ZFR2: variants seen among roughly 807,000 people sequenced by gnomAD.
ZFR2 encodes zinc finger RNA binding protein 2, also known as zinc finger RNA-binding protein 2.
In ZFR2, 104 loss-of-function variants were observed where a neutral mutation model predicts 105.7. The observed-to-expected ratio is 0.98, with a 90% CI of 0.84 to 1.16. ZFR2 has a LOEUF of 1.16. ZFR2 is among the 50% of genes most tolerant of loss of function. The pLI, the probability that ZFR2 is intolerant of heterozygous loss-of-function variation, is 0.00. For synonymous variants in ZFR2, 634 were observed against 597.7 expected, an observed-to-expected ratio of 1.06 and a Z score of -0.89; for missense variants, 1,425 against 1,355.5, an observed-to-expected ratio of 1.05 and a Z score of -0.80.
chr19:3,812,788 A>C (rs1436381536), intron 14 of ZFR2, among the ~76,000 whole-genome samples: 1 of 152,176 alleles, frequency 6.6e-6, no homozygotes, highest in Non-Finnish European at 1.5e-5. Context: ...AGCTTTAAAA[A>C]ACAAATTGGG....
In ZFR2 at chr19:3,848,743, G is replaced by T. The variant is rs570141098; in HGVS notation, c.54-13760C>A. Among the ~76,000 whole-genome samples the T allele has an allele frequency of 4.0e-5, 6 of 151,818 alleles. No homozygotes were observed. In the East Asian group the frequency reaches 9.8e-4, roughly 25 times the overall value. On this transcript the variant is annotated intron_variant, in intron 1 of 18. Transcript: ENST00000262961. ...GCGGTGGCTCACGCCTGTAATCCCA[G>T]CACTTTGGGAGGCTGAGGTGGGCGG...
Position 3,827,649 on chromosome 19 carries a change from T to C in ZFR2, c.857A>G (p.Tyr286Cys), listed in dbSNP as rs200884396. 124 of 1,577,894 alleles carry C rather than the reference T, an allele frequency of 7.9e-5. 1 individual carries two copies. The highest frequency in any genetic ancestry group is 6.1e-4 in the African/African-American group (45 of 74,158). ...CKISCAGPQTYREHLGGQKHR... is the reference protein window; with the variant it reads ...CKISCAGPQTCREHLGGQKHR... ...CTTCTGCCCTCCCAGATGTTCCCGG[T>C]AGGTCTGCGGCAAGGGGTGAGAGGC... Residue 286 changes from tyrosine to cysteine, a missense_variant, in exon 6 of 19, where the codon TAC (tyrosine) becomes TGC (cysteine). Transcript: ENST00000262961.
chr19:3,859,568 C>T (rs918213033), intron 1 of ZFR2, among the ~76,000 whole-genome samples: 1 of 152,240 alleles, frequency 6.6e-6, no homozygotes, highest in African/African-American at 2.4e-5. Flanking sequence ...TGCACTCCCG[C>T]GTTCTGACCT....
chr19:3,856,456 G>A (rs2038303048), intron 1 of ZFR2, among the ~76,000 whole-genome samples: 1 of 151,980 alleles, frequency 6.6e-6, no homozygotes, highest in African/African-American at 2.4e-5. Flanking sequence ...TGCACGGTTC[G>A]GTGGCATCTA....
rs77335434 is a variant in ZFR2 at position 3,818,184 on chromosome 19, G to A, written c.1931+861C>T. Among the ~76,000 whole-genome samples the A allele has an allele frequency of 1.4e-3, 219 of 152,364 alleles. 1 individual carries two copies. The East Asian group carries it at 0.031, about 22-fold the overall frequency. ...ATGTGGATTTTACCACAATAGAGAA[G>A]CATTCAAAGAGGAAAGTGAACCCGT... On this transcript the variant is annotated intron_variant, in intron 12 of 18. Transcript: ENST00000262961.
At chr19:3,815,750 A>ATTTT (rs10579892) in intron 13 of ZFR2, among the ~76,000 whole-genome samples, 4 of 136,978 alleles carry the variant, frequency 2.9e-5, no homozygotes, top group Non-Finnish European at 4.8e-5. Context: ...TGCTCAGCTA[A>ATTTT]TTTTTTTTTT....
rs181963505 is a variant in ZFR2 at position 3,809,390 on chromosome 19, C to T, written c.2434-407G>A. Among the ~76,000 whole-genome samples, 29 of 152,286 alleles carry T rather than the reference C, an allele frequency of 1.9e-4. No homozygotes were observed. The East Asian group carries it at 2.1e-3, about 11-fold the overall frequency. ...CCAGTGTCAGGTGCACTGTCCACCA[C>T]GTGGGGCCCGCCTCAGCTGAGGGGA... On this transcript the variant is annotated intron_variant, in intron 16 of 18. Coordinates refer to ENST00000262961, the MANE Select transcript of ZFR2 (RefSeq NM_015174.2).
intron 5 of ZFR2, among the ~76,000 whole-genome samples, chr19:3,830,598 C>T (rs981509953): frequency 1.3e-5 from 2 of 152,144 alleles, no homozygotes; most frequent in Non-Finnish European, 2.9e-5. Flanking sequence ...CCATCCCCAG[C>T]TGGGTCAGGG....
chr19:3,851,120 C>T (rs2038233635), intron 1 of ZFR2, among the ~76,000 whole-genome samples: 1 of 151,890 alleles, frequency 6.6e-6, no homozygotes, highest in Admixed American at 6.6e-5. Flanking sequence ...TTAGGGAAGC[C>T]CCAGCCGACC....
At chr19:3,866,544 G>A (rs1034911035) in intron 1 of ZFR2, among the ~76,000 whole-genome samples, 2 of 152,038 alleles carry the variant, frequency 1.3e-5, no homozygotes, top group Non-Finnish European at 2.9e-5. Flanking sequence ...AATGACAGAA[G>A]CCTCTACTGA....
At chr19:3,860,323 G>A (rs2038358752) in intron 1 of ZFR2, among the ~76,000 whole-genome samples, 1 of 151,848 alleles carries the variant, frequency 6.6e-6, no homozygotes, top group African/African-American at 2.4e-5. Context: ...ACAGGCGTGA[G>A]CCACTGCACC....
chr19:3,806,912 C>T (rs1025469747), intron 18 of ZFR2, among the ~76,000 whole-genome samples: 2 of 152,322 alleles, frequency 1.3e-5, no homozygotes, highest in Non-Finnish European at 1.5e-5. Context: ...TGGGGGAGGA[C>T]GGTCCCTGCC....
intron 12 of ZFR2, among the ~76,000 whole-genome samples, chr19:3,817,076 C>T (rs914626589): frequency 3.9e-5 from 6 of 152,116 alleles, no homozygotes; most frequent in Non-Finnish European, 5.9e-5. Context: ...TCGGAGTAGC[C>T]GGGACGCGTG....
chr19:3,821,552 G>A lies in ZFR2; in HGVS notation c.1492-73C>T, dbSNP rs949009954. ...AGGGATGCCAGGAGGATCTTGGGGT[G>A]CAGGGAGAGGCCCAGAGACTAGAAC... On this transcript the variant is annotated intron_variant, in intron 9 of 18. Transcript: ENST00000262961. 62 of 1,419,582 alleles carry A rather than the reference G, an allele frequency of 4.4e-5. No individual in the cohort carries two copies. The African/African-American group carries it at 5.9e-4, about 14-fold the overall frequency. 87.9% of individuals were successfully genotyped at this position (1,419,582 alleles called of 1,614,324 possible).
At chr19:3,863,350 G>A (rs764909746) in intron 1 of ZFR2, among the ~76,000 whole-genome samples, 45 of 152,162 alleles carry the variant, frequency 3.0e-4, no homozygotes, top group Non-Finnish European at 5.7e-4. Context: ...TGAGAGATAC[G>A]GGTTGGGTCA....
At chr19:3,818,176 A>G (rs866081644) in intron 12 of ZFR2, among the ~76,000 whole-genome samples, 3 of 152,268 alleles carry the variant, frequency 2.0e-5, no homozygotes, top group African/African-American at 7.2e-5. Context: ...TTTTACCACA[A>G]TAGAGAAGCA....
intron 1 of ZFR2, among the ~76,000 whole-genome samples, chr19:3,855,223 T>C (rs1054862947): frequency 1.3e-5 from 2 of 152,174 alleles, no homozygotes; most frequent in Non-Finnish European, 2.9e-5. Context: ...ATGTGAATTT[T>C]TTACTTCTAC....
chr19:3,813,532 C>T lies in ZFR2; in HGVS notation c.2242+288G>A. Among the ~76,000 whole-genome samples, 1 of 152,188 alleles carries T rather than the reference C, an allele frequency of 6.6e-6. No homozygotes were observed. The highest frequency in any genetic ancestry group is 1.9e-4 in the East Asian group (1 of 5,192). Reference sequence around the variant, plus strand: ...CCAGGGCCTGAGAAGCAGGTGCCAGCCCTGGGTAAGGGCAAGGGAGGTGAC... The same window carrying T: ...CCAGGGCCTGAGAAGCAGGTGCCAGTCCTGGGTAAGGGCAAGGGAGGTGAC... On this transcript the variant is annotated intron_variant, in intron 14 of 18. Coordinates refer to ENST00000262961, the MANE Select transcript of ZFR2 (RefSeq NM_015174.2). The surrounding 1 kb of genome is among the most constrained non-coding windows in gnomAD (Gnocchi z 4.4).
chr19:3,809,656 G>A (rs910345412), intron 16 of ZFR2, among the ~76,000 whole-genome samples: 5 of 152,182 alleles, frequency 3.3e-5, no homozygotes, highest in African/African-American at 2.4e-5. Flanking sequence ...AACAATGAGT[G>A]TGAAAGGTCC....
Sources: gnomAD v4.1 joint callset for allele counts (sites outside exome capture counted in the v4.1 genomes callset) on GRCh38, gnomAD v4.1.1 for gene constraint, Gnocchi (gnomAD v3.1) non-coding constraint, MANE v1.5 for transcripts, NCBI Gene and HGNC (gene_info 2026-07-23, HGNC 2026-07-21) for gene names.